Variants in SPOCK1 observed in about 807,000 individuals in gnomAD.
The protein encoded by SPOCK1 is SPARC (osteonectin), cwcv and kazal like domains proteoglycan 1.
SPOCK1 carries 23 observed loss-of-function variants against 55.3 expected under a neutral mutation model. The ratio of observed to expected loss-of-function variants is 0.42; its 90% CI spans 0.30 to 0.59. The LOEUF (loss-of-function observed/expected upper bound fraction) is 0.59. Ranked by LOEUF, SPOCK1 falls within the 20% of genes least tolerant of loss-of-function variation. The pLI is 0.22. For missense variants in SPOCK1, 499 were observed against 552.5 expected, an observed-to-expected ratio of 0.90 and a Z score of 0.97; for synonymous variants, 226 against 221.0, an observed-to-expected ratio of 1.02 and a Z score of -0.20.
intron 2 of SPOCK1, among the ~76,000 whole-genome samples, chr5:137,396,320 A>T (rs573862516): frequency 2.7e-4 from 41 of 152,364 alleles, no homozygotes; most frequent in African/African-American, 9.9e-4. Flanking sequence ...GTGTTTTTCA[A>T]AGTATGATAC....
intron 2 of SPOCK1, among the ~76,000 whole-genome samples, chr5:137,267,808 T>A (rs778877657): frequency 2.0e-5 from 3 of 152,232 alleles, no homozygotes; most frequent in Non-Finnish European, 4.4e-5. Flanking sequence ...ACTCCCTTTA[T>A]TCTCCCCATC....
chr5:137,333,134 T>G (rs886510762), intron 2 of SPOCK1, among the ~76,000 whole-genome samples: 1 of 152,164 alleles, frequency 6.6e-6, no homozygotes, highest in Non-Finnish European at 1.5e-5. Flanking sequence ...GTGATTCTGA[T>G]GCACATTAAA....
intron 2 of SPOCK1, among the ~76,000 whole-genome samples, chr5:137,362,954 G>A (rs373680953): frequency 6.6e-5 from 10 of 152,168 alleles, no homozygotes; most frequent in African/African-American, 1.9e-4. Flanking sequence ...ACTGTCAAAA[G>A]GTGGCAAGGC....
At chr5:137,062,477 T>C (rs1290172957) in intron 6 of SPOCK1, among the ~76,000 whole-genome samples, 1 of 151,244 alleles carries the variant, frequency 6.6e-6, no homozygotes, top group African/African-American at 2.4e-5. Flanking sequence ...CCTTAAAGCC[T>C]CCACTTTTGA....
chr5:137,224,587 C>T (rs997571444), intron 3 of SPOCK1, among the ~76,000 whole-genome samples: 3 of 152,164 alleles, frequency 2.0e-5, no homozygotes, highest in Non-Finnish European at 2.9e-5. Flanking sequence ...AAAGCATCAC[C>T]GATCAACCTG....
At chr5:137,228,669 A>C (rs193261464) in intron 3 of SPOCK1, among the ~76,000 whole-genome samples, 235 of 152,186 alleles carry the variant, frequency 1.5e-3, no homozygotes, top group African/African-American at 5.4e-3. Context: ...AGAAAACAAA[A>C]AAAACCTAAT....
intron 3 of SPOCK1, among the ~76,000 whole-genome samples, chr5:137,258,805 A>C (rs918693671): frequency 6.6e-6 from 1 of 152,216 alleles, no homozygotes; most frequent in African/African-American, 2.4e-5. Flanking sequence ...GCAGTGCCCC[A>C]TAATTGTAGG....
At chr5:137,249,182 A>C (rs1477815860) in intron 3 of SPOCK1, among the ~76,000 whole-genome samples, 1 of 152,232 alleles carries the variant, frequency 6.6e-6, no homozygotes, top group East Asian at 1.9e-4. Context: ...CTTGCTTGAG[A>C]GTTAATGTAA....
intron 2 of SPOCK1, among the ~76,000 whole-genome samples, chr5:137,454,285 C>T (rs1468654826): frequency 1.3e-5 from 2 of 152,104 alleles, no homozygotes; most frequent in Admixed American, 1.3e-4. Context: ...CACCCCTACA[C>T]CAACTCTGGC....
intron 2 of SPOCK1, among the ~76,000 whole-genome samples, chr5:137,297,189 C>T (rs1561496613): frequency 6.6e-6 from 1 of 152,152 alleles, no homozygotes; most frequent in Non-Finnish European, 1.5e-5. Context: ...TGAATACACA[C>T]ATACATGTAT....
chr5:137,023,267 G>C (rs898740314), intron 6 of SPOCK1, among the ~76,000 whole-genome samples: 2 of 152,174 alleles, frequency 1.3e-5, no homozygotes, highest in Non-Finnish European at 2.9e-5. Flanking sequence ...TAAGCATTGA[G>C]AGCACTTGTT....
intron 9 of SPOCK1, among the ~76,000 whole-genome samples, chr5:136,983,131 C>A (rs1343604894): frequency 6.6e-6 from 1 of 152,214 alleles, no homozygotes; most frequent in African/African-American, 2.4e-5. Context: ...ACAGAGGTTC[C>A]TGCCTTCCAC....
chr5:137,073,477 G>C (rs1294096808), intron 5 of SPOCK1, among the ~76,000 whole-genome samples: 2 of 152,222 alleles, frequency 1.3e-5, no homozygotes, highest in Non-Finnish European at 2.9e-5. Context: ...GGAAGCTAGA[G>C]AGGGATGAGG....
chr5:137,128,283 A>G (rs1753813509), intron 4 of SPOCK1, among the ~76,000 whole-genome samples: 1 of 152,244 alleles, frequency 6.6e-6, no homozygotes, highest in Non-Finnish European at 1.5e-5. Context: ...TTTGTTTATA[A>G]GCTGCCCAGT....
intron 2 of SPOCK1, among the ~76,000 whole-genome samples, chr5:137,353,466 C>T (rs1458209483): frequency 1.3e-5 from 2 of 152,286 alleles, no homozygotes; most frequent in Non-Finnish European, 2.9e-5. Context: ...GAATCAGACA[C>T]ACAGCCCAAT....
intron 1 of SPOCK1, among the ~76,000 whole-genome samples, chr5:137,498,926 G>A (rs1754373971): frequency 6.6e-6 from 1 of 151,318 alleles, no homozygotes; most frequent in African/African-American, 2.4e-5. Flanking sequence ...CGGTGCACAC[G>A]GCTTTGGGGC....
At chr5:137,245,776 C>CAAAAAAAAAAAAAAAAAAAA (rs143599362) in intron 3 of SPOCK1, among the ~76,000 whole-genome samples, 1 of 140,870 alleles carries the variant, frequency 7.1e-6, no homozygotes. Context: ...CAAAACAAAA[C>CAAAAAAAAAAAAAAAAAAAA]AAAAAAAAAA....
intron 2 of SPOCK1, among the ~76,000 whole-genome samples, chr5:137,322,336 G>GA (rs112760930): frequency 0.063 from 8,888 of 141,544 alleles, 505 homozygotes; most frequent in African/African-American, 0.15. Context: ...CTGTCTCAAG[G>GA]AAAAAAAAAA....
intron 2 of SPOCK1, among the ~76,000 whole-genome samples, chr5:137,369,928 C>A (rs1361645659): frequency 6.6e-6 from 1 of 152,162 alleles, no homozygotes; most frequent in African/African-American, 2.4e-5. Flanking sequence ...GGGGTCAGAG[C>A]TTCAACAAAG....
Sources: gnomAD v4.1 joint callset for allele counts (sites outside exome capture counted in the v4.1 genomes callset) on GRCh38, gnomAD v4.1.1 for gene constraint, MANE v1.5 for transcripts, NCBI Gene and HGNC (gene_info 2026-07-23, HGNC 2026-07-21) for gene names.